The following LDB2 variants were observed in gnomAD, a reference collection of about 807,000 sequenced individuals.
The protein encoded by LDB2 is LIM domain-binding protein 2.
A neutral mutation model predicts 44.3 loss-of-function variants in LDB2; 12 were observed. The ratio of observed to expected loss-of-function variants is 0.27; its 90% CI spans 0.17 to 0.44. The LOEUF (loss-of-function observed/expected upper bound fraction) is 0.44. LDB2 is among the 20% of genes least tolerant of loss of function. The pLI is 1.00. For missense variants in LDB2, 344 were observed against 473.5 expected (o/e 0.73, Z 2.54); for synonymous variants, 164 against 174.8 (o/e 0.94, Z 0.49).
chr4:16,747,066 G>C (rs150616085), intron 2 of LDB2, among the ~76,000 whole-genome samples: 2 of 152,144 alleles, frequency 1.3e-5, no homozygotes, highest in African/African-American at 4.8e-5. Context: ...AACTAATGTC[G>C]ATGAGACAAT....
chr4:16,713,377 A>AT (rs1274159033), intron 2 of LDB2, among the ~76,000 whole-genome samples: 4 of 149,116 alleles, frequency 2.7e-5, no homozygotes, highest in African/African-American at 1.0e-4. Context: ...TTTTTTTTTT[A>AT]AAGAACAGAT....
At chr4:16,503,195 T>G in intron 7 of LDB2, 1 of 1,505,902 alleles carries the variant, frequency 6.6e-7, no homozygotes, top group Non-Finnish European at 8.9e-7. Context: ...CTTGCCGACA[T>G]TGGGGACTTT....
At position 16,582,241 on chromosome 4, in the gene LDB2, T is replaced by G. The variant is rs1017502049; in HGVS notation, c.615+3681A>C. ...GGGCATAAACCTGGCACAAAGAAAG[T>G]GTGTCAGAAATGCTTGTGAAATGAA... On this transcript the variant is annotated intron_variant, in intron 5 of 7. Coordinates refer to ENST00000304523, the MANE Select transcript of LDB2 (RefSeq NM_001290.5). This position sits in a 1 kb window ranked among gnomAD's most constrained non-coding sequence, Gnocchi z 4.8. Among the ~76,000 whole-genome samples the G allele has an allele frequency of 1.3e-5, 2 of 152,096 alleles. No homozygotes were observed. The highest frequency in any genetic ancestry group is 2.9e-5 in the Non-Finnish European group (2 of 68,020).
intron 5 of LDB2, among the ~76,000 whole-genome samples, chr4:16,527,178 G>A (rs1162640658): frequency 6.6e-6 from 1 of 152,202 alleles, no homozygotes. Flanking sequence ...CAGGCAGAGG[G>A]ACAGCATTTC....
intron 2 of LDB2, among the ~76,000 whole-genome samples, chr4:16,633,251 C>T (rs1302107982): frequency 6.6e-6 from 1 of 152,028 alleles, no homozygotes; most frequent in Non-Finnish European, 1.5e-5. Flanking sequence ...AACACTTGCA[C>T]ACAGGAAGGG....
At chr4:16,593,187 A>G (rs903083404) in intron 3 of LDB2, among the ~76,000 whole-genome samples, 1 of 152,178 alleles carries the variant, frequency 6.6e-6, no homozygotes, top group Admixed American at 6.5e-5. Context: ...ACTGGGTCAA[A>G]TGCTATTTGG....
chr4:16,831,460 G>T (rs913889919), intron 1 of LDB2, among the ~76,000 whole-genome samples: 1 of 152,134 alleles, frequency 6.6e-6, no homozygotes, highest in African/African-American at 2.4e-5. Context: ...CTATTGTGTG[G>T]AAGTAGAAGC....
At chr4:16,802,161 GA>G (rs1777956864) in intron 1 of LDB2, among the ~76,000 whole-genome samples, 1 of 152,162 alleles carries the variant, frequency 6.6e-6, no homozygotes. Flanking sequence ...TCTCCACAGT[GA>G]GTGGACGCCC....
intron 2 of LDB2, among the ~76,000 whole-genome samples, chr4:16,626,189 G>A (rs1171410854): frequency 1.3e-5 from 2 of 152,224 alleles, no homozygotes; most frequent in Middle Eastern, 6.8e-3. Context: ...GTCACACACT[G>A]GCTAGTACAT....
At chr4:16,769,603 AT>A (rs58284488) in intron 1 of LDB2, among the ~76,000 whole-genome samples, 10,347 of 136,838 alleles carry the variant, frequency 0.076, 417 homozygotes, top group African/African-American at 0.14. Flanking sequence ...GCCCTATGGG[AT>A]TTTTTTTTTT....
rs147499269 is a variant in LDB2, at chr4:16,544,991, A to G, written c.616-32887T>C. Among the ~76,000 whole-genome samples, 308 of 152,298 alleles carry G rather than the reference A, an allele frequency of 2.0e-3. 1 individual carries two copies. The highest frequency in any genetic ancestry group is 6.9e-3 in the African/African-American group (286 of 41,570). The stretch of plus-strand genomic sequence containing the variant: ...CTGAGGCAAGAGATGGAGAGAGAAC[A>G]GCGAGTGAGGATAGGGAGGAGAACC... On this transcript the variant is annotated intron_variant, in intron 5 of 7. Transcript: ENST00000304523.
intron 1 of LDB2, among the ~76,000 whole-genome samples, chr4:16,797,073 A>G (rs1776879612): frequency 6.6e-6 from 1 of 152,216 alleles, no homozygotes. Flanking sequence ...AGCTAATAAT[A>G]CAGTGGTTCC....
At chr4:16,586,620 C>CA (rs1329866388) in intron 4 of LDB2, among the ~76,000 whole-genome samples, 2 of 151,908 alleles carry the variant, frequency 1.3e-5, no homozygotes, top group Non-Finnish European at 2.9e-5. Flanking sequence ...ATATCCCCAA[C>CA]AATTTTTATC....
chr4:16,781,248 T>G (rs895615180), intron 1 of LDB2, among the ~76,000 whole-genome samples: 1 of 152,070 alleles, frequency 6.6e-6, no homozygotes, highest in Non-Finnish European at 1.5e-5. Context: ...GGGGCTAGGA[T>G]CTTAAGGGCC....
At chr4:16,761,097 C>G (rs1338918307) in intron 1 of LDB2, among the ~76,000 whole-genome samples, 2 of 151,878 alleles carry the variant, frequency 1.3e-5, no homozygotes, top group Non-Finnish European at 2.9e-5. Flanking sequence ...ACCCCCAGAA[C>G]AGTGTCTAGC....
intron 2 of LDB2, among the ~76,000 whole-genome samples, chr4:16,756,828 TA>T (rs1766764848): frequency 6.6e-6 from 1 of 151,794 alleles, no homozygotes; most frequent in East Asian, 1.9e-4. Context: ...TAAAGTATTA[TA>T]GACCCAAAAG....
chr4:16,804,218 GCC>G (rs1778366800), intron 1 of LDB2, among the ~76,000 whole-genome samples: 2 of 152,126 alleles, frequency 1.3e-5, no homozygotes, highest in Admixed American at 1.3e-4. Flanking sequence ...CATGGGCTCA[GCC>G]TCCCAGGTAG....
chr4:16,796,473 T>G (rs539612775), intron 1 of LDB2, among the ~76,000 whole-genome samples: 1 of 152,144 alleles, frequency 6.6e-6, no homozygotes, highest in Admixed American at 6.5e-5. Flanking sequence ...CTGACATCCA[T>G]GAATCCATGC....
intron 1 of LDB2, among the ~76,000 whole-genome samples, chr4:16,766,401 T>A: frequency 6.6e-6 from 1 of 151,682 alleles, no homozygotes; most frequent in Non-Finnish European, 1.5e-5. Context: ...TGTGCATTTA[T>A]ATATATACAC....
Sources: gnomAD v4.1 joint callset for allele counts (sites outside exome capture counted in the v4.1 genomes callset) on GRCh38, gnomAD v4.1.1 for gene constraint, Gnocchi (gnomAD v3.1) non-coding constraint, MANE v1.5 for transcripts, NCBI Gene and HGNC (gene_info 2026-07-23, HGNC 2026-07-21) for gene names.